FARP2: variants seen among roughly 807,000 people sequenced by gnomAD.
FARP2 encodes FERM, ARHGEF and pleckstrin domain-containing protein 2.
FARP2 carries 111 observed loss-of-function variants against 130.5 expected under a neutral mutation model. That is an observed-to-expected ratio of 0.85 (90% CI 0.73 to 1.00). FARP2 has a LOEUF of 1.00. Ranked by LOEUF, FARP2 falls within the 50% of genes least tolerant of loss-of-function variation. FARP2 has a pLI of 0.00. For synonymous variants in FARP2, 504 were observed against 516.9 expected (o/e 0.98, Z 0.34); for missense variants, 1,385 against 1,346.3 (o/e 1.03, Z -0.45).
At chr2:241,411,169 A>G (rs573256989) in intron 6 of FARP2, 39 bp downstream of exon 6, 6 of 1,397,202 alleles carry the variant, frequency 4.3e-6, no homozygotes, top group South Asian at 3.6e-5. Context: ...TTCACTGACC[A>G]TGGCACAGAT....
intron 18 of FARP2, among the ~76,000 whole-genome samples, chr2:241,471,876 TCA>T (rs2064319225): frequency 1.1e-5 from 1 of 94,356 alleles, no homozygotes; most frequent in Non-Finnish European, 2.3e-5. Context: ...ACCTGTTCTG[TCA>T]GGATCCTGTT....
intron 11 of FARP2, 110 bp downstream of exon 11, chr2:241,435,140 C>A: frequency 1.6e-6 from 1 of 610,350 alleles, no homozygotes; most frequent in South Asian, 2.5e-5. Context: ...GTCACCTAAG[C>A]TGGAATACAG....
intron 17 of FARP2, among the ~76,000 whole-genome samples, chr2:241,464,457 G>C (rs1029181278): frequency 1.3e-5 from 2 of 149,520 alleles, no homozygotes; most frequent in Non-Finnish European, 3.0e-5. Flanking sequence ...CAAAACAGGG[G>C]CCCCCTCAGA....
At chr2:241,479,308 A>G (rs1312710135) in intron 19 of FARP2, among the ~76,000 whole-genome samples, 5 of 152,194 alleles carry the variant, frequency 3.3e-5, no homozygotes, top group Admixed American at 3.3e-4. Flanking sequence ...AGTTCTTGGT[A>G]CTACACATAG....
At chr2:241,483,576 G>A (rs549709793) in intron 20 of FARP2, 43 bp downstream of exon 20, 3 of 1,585,280 alleles carry the variant, frequency 1.9e-6, no homozygotes, top group South Asian at 2.2e-5. Context: ...CCCCGAGGGG[G>A]ATGGGCAGCA....
At position 241,483,449 on chromosome 2, in the gene FARP2, T is replaced by C. The variant is rs113002595; in HGVS notation, c.2263-16T>C. 2.3e-4 allele frequency: 377 copies of C among 1,612,516 alleles called. 2 individuals carry two copies. In the African/African-American group the frequency reaches 4.4e-3, roughly 19 times the overall value. ...CCCTCAGCCCGCTGAAAGGGGACTC[T>C]GTCTCTGTCTTTCAGGAGTTCATCC... On this transcript the variant is annotated splice_polypyrimidine_tract_variant and intron_variant, in intron 19 of 26. Coordinates refer to ENST00000264042, the MANE Select transcript of FARP2 (RefSeq NM_014808.4).
At chr2:241,493,160 T>A in intron 25 of FARP2, 124 bp downstream of exon 25, 1 of 1,180,672 alleles carries the variant, frequency 8.5e-7, no homozygotes, top group Non-Finnish European at 1.2e-6. Context: ...CACCCTGTGC[T>A]GTGTGAACAG....
intron 2 of FARP2, among the ~76,000 whole-genome samples, chr2:241,376,457 A>T (rs909929625): frequency 3.9e-5 from 6 of 152,204 alleles, no homozygotes; most frequent in African/African-American, 1.4e-4. Context: ...TGGAAGTGCA[A>T]TTGTCTGTGC....
chr2:241,475,721 C>G lies in FARP2; in HGVS notation c.2132-136C>G, dbSNP rs1229307032. The G allele has an allele frequency of 4.4e-6, 3 of 685,882 alleles. No individual in the cohort carries two copies. The East Asian group carries it at 1.0e-4, about 23-fold the overall frequency. 42.5% of individuals were successfully genotyped at this position (685,882 alleles called of 1,614,324 possible). On this transcript the variant is annotated intron_variant, in intron 18 of 26. Transcript: ENST00000264042. The surrounding 1 kb of genome is among the most constrained non-coding windows in gnomAD (Gnocchi z 4.4). Reference sequence around the variant, plus strand: ...GTACCAAAAATGTTGGGGACCGCTGCTATAAGGAGTCGAGTAGGATGTACC... The same window carrying G: ...GTACCAAAAATGTTGGGGACCGCTGGTATAAGGAGTCGAGTAGGATGTACC...
At chr2:241,437,670 A>ATTTATTTTTTTTTTTT (rs1553723709) in intron 12 of FARP2, among the ~76,000 whole-genome samples, 13 of 133,112 alleles carry the variant, frequency 9.8e-5, no homozygotes, top group Non-Finnish European at 1.9e-4. Flanking sequence ...TTATTTATTT[A>ATTTATTTTTTTTTTTT]TTTTTTTTTT....
intron 19 of FARP2, 32 bp from the exon 20 acceptor site, chr2:241,483,433 C>A: frequency 6.3e-7 from 1 of 1,597,126 alleles, no homozygotes; most frequent in Non-Finnish European, 8.6e-7. Flanking sequence ...GCCCTCAGCC[C>A]GCTGAAAGGG....
At chr2:241,404,001 C>T in intron 3 of FARP2, 69 bp downstream of exon 3, 2 of 787,044 alleles carry the variant, frequency 2.5e-6, no homozygotes, top group South Asian at 2.9e-5. Context: ...CAAGATCTTT[C>T]ATCATTGCCA....
At chr2:241,469,842 C>T (rs750082286) in intron 18 of FARP2, among the ~76,000 whole-genome samples, 1 of 152,214 alleles carries the variant, frequency 6.6e-6, no homozygotes, top group Non-Finnish European at 1.5e-5. Context: ...TACCTCACAA[C>T]ATGACAGGTT....
chr2:241,374,571 G>A (rs1272584876), intron 2 of FARP2, among the ~76,000 whole-genome samples: 1 of 152,180 alleles, frequency 6.6e-6, no homozygotes, highest in African/African-American at 2.4e-5. Context: ...ATTGCATGGG[G>A]TGGGAAGGAG....
At chr2:241,454,067 A>G (rs888412559) in intron 13 of FARP2, among the ~76,000 whole-genome samples, 2 of 152,050 alleles carry the variant, frequency 1.3e-5, no homozygotes, top group African/African-American at 4.8e-5. Flanking sequence ...TATAGCCATG[A>G]GTCACCGCAC....
intron 19 of FARP2, 79 bp downstream of exon 19, chr2:241,476,066 T>A: frequency 7.2e-7 from 1 of 1,382,394 alleles, no homozygotes; most frequent in Non-Finnish European, 1.0e-6. Flanking sequence ...ACCACAAAAG[T>A]CACCATTTTA....
chr2:241,381,756 T>C (rs546371497), intron 2 of FARP2, among the ~76,000 whole-genome samples: 1 of 152,318 alleles, frequency 6.6e-6, no homozygotes, highest in South Asian at 2.1e-4. Flanking sequence ...TTACCAAGTG[T>C]TACATGTATA....
At chr2:241,485,618 G>C (rs1689153571) in intron 21 of FARP2, among the ~76,000 whole-genome samples, 2 of 139,188 alleles carry the variant, frequency 1.4e-5, no homozygotes, top group South Asian at 4.6e-4. Context: ...TCTCTCCCTG[G>C]GATATTCCCT....
chr2:241,412,861 C>G (rs907524210), intron 6 of FARP2, among the ~76,000 whole-genome samples: 2 of 152,110 alleles, frequency 1.3e-5, no homozygotes, highest in Admixed American at 6.6e-5. Context: ...AACCTTATCT[C>G]TACAAAAAAT....
Sources: allele counts gnomAD v4.1 joint callset (sites outside exome capture counted in the v4.1 genomes callset), GRCh38; gene constraint gnomAD v4.1.1; non-coding constraint Gnocchi (gnomAD v3.1); transcripts MANE v1.5; gene names NCBI Gene and HGNC (gene_info 2026-07-23, HGNC 2026-07-21).